ANO10: variants seen among roughly 807,000 people sequenced by gnomAD.
ANO10 encodes anoctamin-10.
A neutral mutation model predicts 74.7 loss-of-function variants in ANO10; 77 were observed. The ratio of observed to expected loss-of-function variants is 1.03; its 90% CI spans 0.86 to 1.25. ANO10 has a LOEUF of 1.25. Among genes scored for constraint, ANO10 ranks in the 50% most tolerant of loss-of-function variants. ANO10 has a pLI of 0.00. For missense variants in ANO10, 721 were observed against 778.1 expected, an observed-to-expected ratio of 0.93 and a Z score of 0.87; for synonymous variants, 279 against 284.9, an observed-to-expected ratio of 0.98 and a Z score of 0.21.
intron 1 of ANO10, among the ~76,000 whole-genome samples, chr3:43,627,119 A>G (rs1441250425): frequency 6.6e-6 from 1 of 152,216 alleles, no homozygotes; most frequent in Non-Finnish European, 1.5e-5. Flanking sequence ...TGACAAGGCC[A>G]CCATCCACCA....
intron 12 of ANO10, among the ~76,000 whole-genome samples, chr3:43,417,337 T>C (rs2148905334): frequency 6.6e-6 from 1 of 152,288 alleles, no homozygotes; most frequent in South Asian, 2.1e-4. Flanking sequence ...GAAAGTTTAT[T>C]TGCATAATAA....
intron 11 of ANO10, among the ~76,000 whole-genome samples, chr3:43,484,279 C>A (rs1443126110): frequency 6.6e-6 from 1 of 152,162 alleles, no homozygotes; most frequent in Non-Finnish European, 1.5e-5. Flanking sequence ...GAGGCCCAGC[C>A]AGACCAAGGT....
intron 1 of ANO10, among the ~76,000 whole-genome samples, chr3:43,651,549 G>A (rs914141529): frequency 6.6e-6 from 1 of 152,162 alleles, no homozygotes; most frequent in Admixed American, 6.5e-5. Context: ...TGCCATGGGG[G>A]TTAGTGGCAG....
intron 4 of ANO10, among the ~76,000 whole-genome samples, chr3:43,582,113 C>G (rs900106394): frequency 1.3e-5 from 2 of 151,896 alleles, no homozygotes; most frequent in Non-Finnish European, 2.9e-5. Flanking sequence ...CATAAAACCC[C>G]TTATTGAGGA....
rs1223428867 is a variant in ANO10, at chr3:43,561,281, GC to G, written c.1414del (p.Ala472GlnfsTer37). 6.2e-7 allele frequency: 1 copy of G among 1,614,038 alleles called. No homozygotes were observed. The highest frequency in any genetic ancestry group is 8.5e-7 in the Non-Finnish European group (1 of 1,180,034). ...TTCATATAATGTAGCATCAATGTCTGCCTTTAAAGCCTGCACCTTCCTCTTC... is the reference window on the plus strand; with the variant it reads ...TTCATATAATGTAGCATCAATGTCTGCTTTAAAGCCTGCACCTTCCTCTTC... ...RVKRKVQALK[A>X]DIDATLYEQV... On this transcript the variant is annotated frameshift_variant, in exon 9 of 13. Transcript: ENST00000292246. LOFTEE classifies it high-confidence loss of function.
intron 11 of ANO10, among the ~76,000 whole-genome samples, chr3:43,512,898 T>A (rs747677177): frequency 6.6e-6 from 1 of 152,178 alleles, no homozygotes; most frequent in African/African-American, 2.4e-5. Flanking sequence ...CTACAGCTGC[T>A]ACTTACTGCC....
intron 11 of ANO10, among the ~76,000 whole-genome samples, chr3:43,541,336 A>G (rs1171572796): frequency 1.3e-5 from 2 of 152,190 alleles, no homozygotes; most frequent in Non-Finnish European, 2.9e-5. Context: ...TACTAAACAT[A>G]CTGCATGCAT....
chr3:43,463,843 T>C (rs1467702622), intron 11 of ANO10, among the ~76,000 whole-genome samples: 1 of 152,182 alleles, frequency 6.6e-6, no homozygotes, highest in Non-Finnish European at 1.5e-5. Context: ...GACAGAATGA[T>C]ATGGTTTGGC....
At chr3:43,512,532 T>C (rs1008829006) in intron 11 of ANO10, among the ~76,000 whole-genome samples, 1 of 152,048 alleles carries the variant, frequency 6.6e-6, no homozygotes, top group Admixed American at 6.5e-5. Context: ...ACGCTAGCAG[T>C]AGAGGTCATG....
Position 43,366,717 on chromosome 3 carries a change from C to A in ANO10, c.*189G>T. 1.5e-6 allele frequency: 1 copy of A among 655,264 alleles called. No individual in the cohort carries two copies. Among genetic ancestry groups the A allele is most frequent in the South Asian group, 1.7e-5 (1 of 57,860 alleles). 40.6% of individuals were successfully genotyped at this position (655,264 alleles called of 1,614,324 possible). On this transcript the variant is annotated 3_prime_UTR_variant, in exon 13 of 13. Coordinates refer to ENST00000292246, the MANE Select transcript of ANO10 (RefSeq NM_018075.5). ...GACAGGGTGGGGCTGGGGGAACTGC[C>A]AAGGATCCCGAGCCAAGCCACTGCG...
At chr3:43,536,040 T>C (rs1239009906) in intron 11 of ANO10, among the ~76,000 whole-genome samples, 3 of 152,218 alleles carry the variant, frequency 2.0e-5, no homozygotes, top group Non-Finnish European at 4.4e-5. Context: ...CACATACTTA[T>C]TAGTCTTTTG....
intron 1 of ANO10, chr3:43,689,355 C>G (rs573451116): frequency 9.8e-5 from 15 of 152,296 alleles, no homozygotes; most frequent in African/African-American, 3.6e-4. Flanking sequence ...CGTAAGTTCC[C>G]TAATAAATCA....
At position 43,675,048 on chromosome 3, in the gene ANO10, C is replaced by T. The variant is rs114771733; in HGVS notation, c.-12+16469G>A. On this transcript the variant is annotated intron_variant, in intron 1 of 3. Transcript: ENST00000413397. ...TGAGTCTCCTTAACCTGAAAAATAT[C>T]GATCATGTTTTACACATCTCACATA... 5.1e-3 allele frequency among the ~76,000 whole-genome samples: 769 copies of T among 152,226 alleles called. 6 individuals carry two copies. The highest frequency in any genetic ancestry group is 0.018 in the African/African-American group (728 of 41,524).
chr3:43,393,842 GTC>G (rs1294923131), intron 12 of ANO10, among the ~76,000 whole-genome samples: 2 of 151,868 alleles, frequency 1.3e-5, no homozygotes, highest in South Asian at 4.2e-4. Context: ...AGAGACTTTG[GTC>G]TCTCTCTCTA....
chr3:43,503,560 A>C (rs567070565), intron 11 of ANO10, among the ~76,000 whole-genome samples: 1 of 152,366 alleles, frequency 6.6e-6, no homozygotes, highest in South Asian at 2.1e-4. Context: ...GGCAGAGCTA[A>C]GCCATATGAC....
intron 11 of ANO10, among the ~76,000 whole-genome samples, chr3:43,453,026 G>A (rs1280247403): frequency 1.3e-4 from 20 of 151,950 alleles, no homozygotes; most frequent in Admixed American, 1.3e-3. Flanking sequence ...TTTTTAATTG[G>A]GTTAATTGTG....
intron 11 of ANO10, among the ~76,000 whole-genome samples, chr3:43,480,617 G>A (rs2076229757): frequency 6.6e-6 from 1 of 152,176 alleles, no homozygotes; most frequent in Non-Finnish European, 1.5e-5. Flanking sequence ...AGATAAAGGA[G>A]GGGGTTACAA....
At chr3:43,452,583 G>A (rs2148999586) in intron 11 of ANO10, among the ~76,000 whole-genome samples, 1 of 152,232 alleles carries the variant, frequency 6.6e-6, no homozygotes, top group Non-Finnish European at 1.5e-5. Flanking sequence ...TCATCAGTTG[G>A]TGGACATTTG....
rs568257344 is a variant in ANO10 at position 43,664,368 on chromosome 3, A to G, written c.-12+27149T>C. Among the ~76,000 whole-genome samples, 67 of 151,830 alleles carry G rather than the reference A, an allele frequency of 4.4e-4. 2 individuals are homozygous for G. Among genetic ancestry groups the G allele is most frequent in the African/African-American group, 1.6e-3 (64 of 41,104 alleles). On this transcript the variant is annotated intron_variant, in intron 1 of 3. Transcript: ENST00000413397. ...ACTGGACCCCTTCCTTACACCTTATATAAAAATCAACTCAAGATGGATCAA... is the reference window on the plus strand; with the variant it reads ...ACTGGACCCCTTCCTTACACCTTATGTAAAAATCAACTCAAGATGGATCAA...
Sources: gnomAD v4.1 joint callset for allele counts (sites outside exome capture counted in the v4.1 genomes callset) on GRCh38, gnomAD v4.1.1 for gene constraint, MANE v1.5 for transcripts, NCBI Gene and HGNC (gene_info 2026-07-23, HGNC 2026-07-21) for gene names.